CLK4: variants seen among roughly 807,000 people sequenced by gnomAD.
CLK4 encodes the protein CDC like kinase 4, also known as dual specificity protein kinase CLK4.
A neutral mutation model predicts 64.4 loss-of-function variants in CLK4; 37 were observed. The observed-to-expected ratio is 0.57, with a 90% CI of 0.44 to 0.76. CLK4 has a LOEUF of 0.76. CLK4 is among the 30% of genes least tolerant of loss of function. CLK4 has a pLI of 0.00. For missense variants in CLK4, 457 were observed against 605.1 expected (o/e 0.76, Z 2.57); for synonymous variants, 175 against 191.6 (o/e 0.91, Z 0.72).
intron 9 of CLK4, among the ~76,000 whole-genome samples, chr5:178,611,357 C>T (rs969327966): frequency 2.0e-5 from 3 of 152,150 alleles, no homozygotes; most frequent in Non-Finnish European, 4.4e-5. Flanking sequence ...AAAAGACAAG[C>T]TCTAGAGTTG....
At chr5:178,620,686 A>C (rs1295306264) in intron 2 of CLK4, 5 of 383,022 alleles carry the variant, frequency 1.3e-5, no homozygotes, top group African/African-American at 2.1e-5. Flanking sequence ...GTGGGAGATA[A>C]AAAAAAAATT....
chr5:178,605,406 T>C (rs1764453115), intron 10 of CLK4, 24 bp from the exon 11 acceptor site: 2 of 1,376,308 alleles, frequency 1.5e-6, no homozygotes, highest in East Asian at 5.0e-5. Context: ...GAAAAAGAAA[T>C]TTAGTACTCT....
At position 178,623,296 on chromosome 5, in the gene CLK4, T is replaced by C; in HGVS notation, c.121A>G (p.Arg41Gly). The C allele has an allele frequency of 6.2e-7, 1 of 1,613,982 alleles. No individual in the cohort carries two copies. Among genetic ancestry groups the C allele is most frequent in the South Asian group, 1.1e-5 (1 of 91,054 alleles). ...RRSHSSTQENRHCKPHHQFKE... is the reference protein window; with the variant it reads ...RRSHSSTQENGHCKPHHQFKE... ...AACTGGTGATGTGGTTTACAATGCC[T>C]GTTCTCTTGTGTGCTACTATGAGAT... Residue 41 changes from arginine (R) to glycine (G), a missense_variant, in exon 2 of 13, where the codon AGG becomes GGG. Physicochemically the swap from Arg to Gly is moderately radical, Grantham distance 125. Transcript: ENST00000316308.
Position 178,618,706 on chromosome 5 carries a change from A to G in CLK4, c.234T>C (p.Asn78=), listed in dbSNP as rs774819520. 1.2e-6 allele frequency: 2 copies of G among 1,613,990 alleles called. No individual in the cohort carries two copies. The highest frequency in any genetic ancestry group is 1.7e-6 in the Non-Finnish European group (2 of 1,179,924). Residue 78 remains asparagine, a synonymous_variant, in exon 3 of 13, where the codon AAT becomes AAC. Transcript: ENST00000316308. The part of the protein sequence containing the change: ...RDRRYVDEYR[N]DYCEGYVPRH... ...TAGGAACATATCCTTCACAGTAGTC[A>G]TTCCTGTATTCGTCAACGTATCTCC...
chr5:178,610,899 C>T (rs945488770), intron 9 of CLK4, among the ~76,000 whole-genome samples: 1 of 152,082 alleles, frequency 6.6e-6, no homozygotes, highest in Admixed American at 6.5e-5. Context: ...TGGTGAAACC[C>T]CATCTCTACT....
rs768918341 is a variant in CLK4, at chr5:178,603,912, T to C, written c.1237A>G (p.Asn413Asp). ...CTGTGTTCATCCCAATCTAGCTGGT[T>C]ATGGTGAAAATACTTGCGTTTTCTA... ...KTRKRKYFHH[N>D]QLDWDEHSSA... is the part of the protein sequence containing the mutation. Residue 413 changes from asparagine to aspartate, a missense_variant, in exon 12 of 13, where the codon AAC becomes GAC. Asn to Asp is a conservative substitution (Grantham distance 23). Transcript: ENST00000316308. The C allele has an allele frequency of 3.1e-6, 5 of 1,607,030 alleles. No homozygotes were observed. The East Asian group carries it at 8.9e-5, about 29-fold the overall frequency.
intron 5 of CLK4, among the ~76,000 whole-genome samples, chr5:178,615,789 T>C (rs1329104663): frequency 6.6e-6 from 1 of 152,210 alleles, no homozygotes; most frequent in Non-Finnish European, 1.5e-5. Flanking sequence ...GAGCTTCTCT[T>C]ACAAAAGTTT....
In CLK4 at chr5:178,603,246, A is replaced by C. The variant is rs1460807369; in HGVS notation, c.*371T>G. 6.5e-6 allele frequency: 1 copy of C among 154,024 alleles called. No homozygotes were observed. The highest frequency in any genetic ancestry group is 1.4e-5 in the Non-Finnish European group (1 of 69,028). The allele number at this position is 154,024 out of a possible 1,614,324, so 9.5% of individuals were successfully genotyped here. A position where few individuals can be genotyped will look rare whatever the true frequency, so the allele number is the denominator to read the frequency against. ...AAGTTAAGTTCTAAATTTGAAGTAT[A>C]TAAAGAATATTCCTTTAAGAATATA... On this transcript the variant is annotated 3_prime_UTR_variant, in exon 13 of 13. Transcript: ENST00000316308.
intron 10 of CLK4, among the ~76,000 whole-genome samples, chr5:178,607,779 G>A (rs886997617): frequency 1.3e-5 from 2 of 151,074 alleles, no homozygotes; most frequent in African/African-American, 4.9e-5. Flanking sequence ...CAAAGTGCTG[G>A]GATTACAGGT....
chr5:178,624,511 T>TTACAAACTCCAGTGC lies in CLK4; in HGVS notation c.1-1110_1-1096dup, dbSNP rs373523586. Among the ~76,000 whole-genome samples, 513 of 152,296 alleles carry TTACAAACTCCAGTGC rather than the reference T, an allele frequency of 3.4e-3. 1 individual carries two copies. The highest frequency in any genetic ancestry group is 0.011 in the African/African-American group (462 of 41,556). On this transcript the variant is annotated intron_variant, in intron 1 of 12. Transcript: ENST00000316308. The stretch of plus-strand genomic sequence containing the variant: ...CGATAACGGTGACAGCTGACTTTAT[T>TTACAAACTCCAGTGC]TACAAACTCCAGTGCATAACCTGGG...
Position 178,618,586 on chromosome 5 carries a change from A to G in CLK4, c.354T>C (p.Asn118=), listed in dbSNP as rs139647397. The G allele has an allele frequency of 3.5e-5, 57 of 1,613,872 alleles. No homozygotes were observed. The highest frequency in any genetic ancestry group is 4.4e-5 in the Non-Finnish European group (52 of 1,179,938). The change falls in exon 3 of 13, where the codon AAT becomes AAC. Residue 118 remains asparagine, a synonymous_variant. Transcript: ENST00000316308. Reference sequence around the variant, plus strand: ...GTGACTGATGACTTGAACAGTGTCTATTGCGCTTCCTTTTAGGACTGCTTC... The same window carrying G: ...GTGACTGATGACTTGAACAGTGTCTGTTGCGCTTCCTTTTAGGACTGCTTC... ...SRRSSPKRKR[N]RHCSSHQSRS...
At chr5:178,614,391 C>G (rs1189533646) in intron 5 of CLK4, among the ~76,000 whole-genome samples, 1 of 152,138 alleles carries the variant, frequency 6.6e-6, no homozygotes, top group Non-Finnish European at 1.5e-5. Context: ...GACCCCAACT[C>G]TAAGTAATGA....
rs541495610 is a variant in CLK4, at chr5:178,611,309, C to T, written c.1051+1107G>A. Among the ~76,000 whole-genome samples, 517 of 152,316 alleles carry T rather than the reference C, an allele frequency of 3.4e-3. 1 individual carries two copies. The highest frequency in any genetic ancestry group is 0.011 in the African/African-American group (466 of 41,566). On this transcript the variant is annotated intron_variant, in intron 9 of 12. Transcript: ENST00000316308. ...TTTACCCTTACACAGTAGCTCCTTT[C>T]AATTTGTACTACGCAGAAACCCTAT... is the stretch of plus-strand genomic sequence containing the variant.
rs115497606 is a variant in CLK4, at chr5:178,611,263, T to C, written c.1051+1153A>G. On this transcript the variant is annotated intron_variant, in intron 9 of 12. Coordinates refer to ENST00000316308, the MANE Select transcript of CLK4 (RefSeq NM_020666.3). ...TCTGAAAATACCTCTCTGTCCACTATCTCTTCCCATATTGCTTTCTTTTAC... is the reference window on the plus strand; with the variant it reads ...TCTGAAAATACCTCTCTGTCCACTACCTCTTCCCATATTGCTTTCTTTTAC... Among the ~76,000 whole-genome samples, 254 of 152,294 alleles carry C rather than the reference T, an allele frequency of 1.7e-3. 2 individuals carry two copies. Among genetic ancestry groups the C allele is most frequent in the African/African-American group, 5.7e-3 (237 of 41,552 alleles).
intron 10 of CLK4, among the ~76,000 whole-genome samples, chr5:178,607,507 CTTTTTTTT>C (rs70997615): frequency 2.4e-3 from 184 of 78,060 alleles, no homozygotes; most frequent in African/African-American, 3.7e-3. Flanking sequence ...TACACTTTGT[CTTTTTTTT>C]TTTTTTTTTT....
intron 11 of CLK4, 179 bp from the exon 12 acceptor site, chr5:178,604,113 C>A: frequency 2.3e-6 from 1 of 439,358 alleles, no homozygotes; most frequent in Non-Finnish European, 4.0e-6. Context: ...CTCATATCCT[C>A]CACCCTGTGA....
intron 9 of CLK4, among the ~76,000 whole-genome samples, chr5:178,609,734 AATATATAT>A (rs56177248): frequency 7.1e-6 from 1 of 141,838 alleles, no homozygotes; most frequent in Non-Finnish European, 1.5e-5. Flanking sequence ...AAAATTTTAA[AATATATAT>A]ATATATATAT....
intron 3 of CLK4, 49 bp downstream of exon 3, chr5:178,618,507 G>C: frequency 1.6e-6 from 2 of 1,255,950 alleles, no homozygotes; most frequent in Non-Finnish European, 1.1e-6. Flanking sequence ...CTCGTTAAGA[G>C]TACACACAAA....
chr5:178,612,275 G>A (rs1764567540), intron 9 of CLK4, 141 bp downstream of exon 9: 9 of 683,676 alleles, frequency 1.3e-5, no homozygotes, highest in Non-Finnish European at 2.4e-6. Context: ...TTATAGCAAT[G>A]TCCACACATT....
Sources: gnomAD v4.1 joint callset for allele counts (sites outside exome capture counted in the v4.1 genomes callset) on GRCh38, gnomAD v4.1.1 for gene constraint, MANE v1.5 for transcripts, NCBI Gene and HGNC (gene_info 2026-07-23, HGNC 2026-07-21) for gene names.